The following NUP62 variants were observed in gnomAD, a reference collection of about 807,000 sequenced individuals.
NUP62 encodes the protein nucleoporin 62.
For synonymous variants in NUP62, 305 were observed against 303.4 expected, an observed-to-expected ratio of 1.01 and a Z score of -0.05; for missense variants, 647 against 689.4, an observed-to-expected ratio of 0.94 and a Z score of 0.69.
chr19:49,919,719 A>T (rs935445557), intron 2 of NUP62, among the ~76,000 whole-genome samples: 2 of 152,188 alleles, frequency 1.3e-5, no homozygotes, highest in African/African-American at 2.4e-5. Context: ...AGGAAAAACG[A>T]ATCAGCTAAG....
chr19:49,919,404 TTATG>T (rs1386892570), intron 2 of NUP62, among the ~76,000 whole-genome samples: 151 of 152,284 alleles, frequency 9.9e-4, no homozygotes, highest in African/African-American at 3.5e-3. Context: ...CTACTGTTCT[TTATG>T]TATCTTAGAA....
At chr19:49,926,664 A>C (rs1354632962) in intron 2 of NUP62, among the ~76,000 whole-genome samples, 1 of 152,226 alleles carries the variant, frequency 6.6e-6, no homozygotes, top group African/African-American at 2.4e-5. Context: ...AGTCTGCCCA[A>C]CAGTCTACCC....
At chr19:49,924,914 A>C (rs1475717725) in intron 2 of NUP62, among the ~76,000 whole-genome samples, 1 of 152,214 alleles carries the variant, frequency 6.6e-6, no homozygotes, top group Non-Finnish European at 1.5e-5. Context: ...TGCAGCCAGC[A>C]TAAACCGCAC....
chr19:49,910,716 T>C (rs888030658), intron 2 of NUP62, among the ~76,000 whole-genome samples: 1 of 22,666 alleles, frequency 4.4e-5, no homozygotes, highest in Non-Finnish European at 9.4e-5. Context: ...CAGAGATGGG[T>C]GGGGGTGGGG....
chr19:49,923,763 TAGAA>T (rs1046084977), intron 2 of NUP62, among the ~76,000 whole-genome samples: 6 of 152,214 alleles, frequency 3.9e-5, no homozygotes, highest in Admixed American at 6.5e-5. Flanking sequence ...AACTGAGTCA[TAGAA>T]AGAGGATGCC....
At chr19:49,914,597 T>C (rs2075570097) in intron 2 of NUP62, among the ~76,000 whole-genome samples, 1 of 152,098 alleles carries the variant, frequency 6.6e-6, no homozygotes, top group Non-Finnish European at 1.5e-5. Flanking sequence ...AGATGCGGAA[T>C]CATCTGAATT....
intron 2 of NUP62, among the ~76,000 whole-genome samples, 193 bp from the exon 3 acceptor site, chr19:49,910,077 C>G (rs2075424765): frequency 6.6e-6 from 1 of 152,008 alleles, no homozygotes; most frequent in Non-Finnish European, 1.5e-5. Context: ...GTACGAGGAG[C>G]CGGGGTGCTA....
rs142182842 is a variant in NUP62 at position 49,907,313 on chromosome 19, T to C, written c.*926A>G. ...TTCCTGGAGGAGGTGAGGCCCAAGGTGGGGGTGAGCCTGGGCCAGGCAAAA... is the reference window on the plus strand; with the variant it reads ...TTCCTGGAGGAGGTGAGGCCCAAGGCGGGGGTGAGCCTGGGCCAGGCAAAA... On this transcript the variant is annotated 3_prime_UTR_variant, in exon 3 of 3. Transcript: ENST00000352066. 2.8e-3 allele frequency: 865 copies of C among 309,984 alleles called. 1 individual carries two copies. Among genetic ancestry groups the C allele is most frequent in the Middle Eastern group, 0.013 (11 of 828 alleles). 19.2% of individuals were successfully genotyped at this position (309,984 alleles called of 1,614,324 possible).
At position 49,906,908 on chromosome 19, in the gene NUP62, T is replaced by C. The variant is rs11547265; in HGVS notation, c.*1331A>G. ...GAATTCAGCAAAGTATAAAGACAAA[T>C]ACAAAAGATGCTTGGGATACAACCG... On this transcript the variant is annotated 3_prime_UTR_variant, in exon 3 of 3. Coordinates refer to ENST00000352066, the MANE Select transcript of NUP62 (RefSeq NM_016553.5). 1 of 152,378 alleles carries C rather than the reference T, an allele frequency of 6.6e-6. No homozygotes were observed. The highest frequency in any genetic ancestry group is 2.4e-5 in the African/African-American group (1 of 41,432). The allele number at this position is 152,378 out of a possible 1,614,324, so 9.4% of individuals were successfully genotyped here. A position where few individuals can be genotyped will look rare whatever the true frequency, so the allele number is the denominator to read the frequency against.
chr19:49,915,853 A>G (rs2075610398), intron 2 of NUP62, among the ~76,000 whole-genome samples: 1 of 152,242 alleles, frequency 6.6e-6, no homozygotes, highest in South Asian at 2.1e-4. Flanking sequence ...ACACCCAGCC[A>G]CGATAGGCCA....
In NUP62 at chr19:49,915,709, T is replaced by C. The variant is rs561894279; in HGVS notation, c.-77-5825A>G. 2.6e-5 allele frequency among the ~76,000 whole-genome samples: 4 copies of C among 152,298 alleles called. No individual in the cohort carries two copies. In the East Asian group the frequency reaches 7.7e-4, roughly 29 times the overall value. On this transcript the variant is annotated intron_variant, in intron 2 of 2. Transcript: ENST00000352066. The stretch of plus-strand genomic sequence containing the variant: ...GAAAGGGGCTGGGGTCAGGGGCAGG[T>C]CTGCCCTTGTGCATGGAGACCAAGG...
intron 2 of NUP62, among the ~76,000 whole-genome samples, chr19:49,914,732 T>C (rs1188847854): frequency 1.0e-5 from 1 of 97,722 alleles, no homozygotes; most frequent in Non-Finnish European, 2.0e-5. Context: ...CCCAGTTTTT[T>C]TTTTTTTTTT....
chr19:49,919,186 T>C (rs1032611346), intron 2 of NUP62, among the ~76,000 whole-genome samples: 2 of 152,124 alleles, frequency 1.3e-5, no homozygotes, highest in African/African-American at 4.8e-5. Context: ...TGTGAATAGG[T>C]AGTATGTTCA....
At chr19:49,924,990 G>A (rs181362827) in intron 2 of NUP62, among the ~76,000 whole-genome samples, 1 of 152,196 alleles carries the variant, frequency 6.6e-6, no homozygotes, top group Non-Finnish European at 1.5e-5. Flanking sequence ...GGCCAGGCGC[G>A]GTGGTTCACG....
Position 49,907,689 on chromosome 19 carries a change from C to A in NUP62, c.*550G>T. ...CTGAGATTGAGATCACAGGCGTCCA[C>A]CACACCTGACTAATTTTTGTATTTT... On this transcript the variant is annotated 3_prime_UTR_variant, in exon 3 of 3. Coordinates refer to ENST00000352066, the MANE Select transcript of NUP62 (RefSeq NM_016553.5). The A allele has an allele frequency of 5.7e-6, 2 of 352,914 alleles. No individual in the cohort carries two copies. The highest frequency in any genetic ancestry group is 1.1e-5 in the Non-Finnish European group (2 of 183,246). The allele number at this position is 352,914 out of a possible 1,614,324, so 21.9% of individuals were successfully genotyped here.
intron 2 of NUP62, among the ~76,000 whole-genome samples, chr19:49,924,299 G>A (rs931773581): frequency 3.3e-5 from 5 of 152,094 alleles, no homozygotes; most frequent in African/African-American, 1.2e-4. Flanking sequence ...TCTTGGCACC[G>A]AGCCTCAGAT....
chr19:49,910,253 C>A (rs906874851), intron 2 of NUP62, among the ~76,000 whole-genome samples: 1 of 152,034 alleles, frequency 6.6e-6, no homozygotes, highest in Admixed American at 6.6e-5. Context: ...CTGCTCCCAG[C>A]GTGGGACCCA....
intron 2 of NUP62, among the ~76,000 whole-genome samples, chr19:49,922,004 G>A (rs374803259): frequency 1.2e-4 from 19 of 152,302 alleles, no homozygotes; most frequent in African/African-American, 4.3e-4. Flanking sequence ...CCACGACCAC[G>A]AGGGACCAAG....
At chr19:49,915,881 G>A (rs1373667365) in intron 2 of NUP62, among the ~76,000 whole-genome samples, 1 of 152,252 alleles carries the variant, frequency 6.6e-6, no homozygotes, top group Admixed American at 6.5e-5. Context: ...TGGGAGGGAA[G>A]GACAAGGTTG....
Sources: allele counts gnomAD v4.1 joint callset (sites outside exome capture counted in the v4.1 genomes callset), GRCh38; gene constraint gnomAD v4.1.1; transcripts MANE v1.5; gene names NCBI Gene and HGNC (gene_info 2026-07-23, HGNC 2026-07-21).